Variants in PFKFB2 observed in about 807,000 individuals in gnomAD.
The protein encoded by PFKFB2 is 6-phosphofructo-2-kinase/fructose-2,6-biphosphatase 2.
Under a neutral mutation model 68.0 loss-of-function variants are expected in PFKFB2, and 53 were observed. The observed-to-expected ratio is 0.78, with a 90% CI of 0.63 to 0.98. PFKFB2 has a LOEUF of 0.98. Ranked by LOEUF, PFKFB2 falls within the 50% of genes least tolerant of loss-of-function variation. The probability of loss-of-function intolerance (pLI) is 0.00; values close to 1 mark genes in which losing one functional copy is unlikely to be tolerated. For missense variants in PFKFB2, 451 were observed against 642.0 expected (o/e 0.70, Z 3.22); for synonymous variants, 222 against 227.6 (o/e 0.98, Z 0.22).
chr1:207,037,371 A>C (rs747071850), intron 1 of PFKFB2, among the ~76,000 whole-genome samples: 58 of 152,154 alleles, frequency 3.8e-4, no homozygotes, highest in Non-Finnish European at 6.8e-4. Context: ...TTCTTCCCTT[A>C]CCTGGCTCCT....
downstream of PFKFB2, chr1:207,079,036 G>A (rs752667825): frequency 1.1e-5 from 17 of 1,602,106 alleles, no homozygotes; most frequent in South Asian, 1.8e-4. Flanking sequence ...GGATGTTCAG[G>A]CCTCACCTCT....
Position 207,074,519 on chromosome 1 carries a change from C to T in PFKFB2, c.*2148C>T. 1 of 985,382 alleles carries T rather than the reference C, an allele frequency of 1.0e-6. No individual in the cohort carries two copies. The highest frequency in any genetic ancestry group is 1.2e-6 in the Non-Finnish European group (1 of 829,920). The allele number at this position is 985,382 out of a possible 1,614,324, so 61.0% of individuals were successfully genotyped here. ...AGGTTGTCATCACTGGCAACTGACTCCTGACCCCGGGTCCTTTACTCGTAT... is the reference window on the plus strand; with the variant it reads ...AGGTTGTCATCACTGGCAACTGACTTCTGACCCCGGGTCCTTTACTCGTAT... On this transcript the variant is annotated 3_prime_UTR_variant, in exon 15 of 15. Transcript: ENST00000367080.
intron 1 of PFKFB2, among the ~76,000 whole-genome samples, chr1:207,038,570 T>C (rs1348558218): frequency 1.3e-5 from 2 of 152,228 alleles, no homozygotes; most frequent in Non-Finnish European, 2.9e-5. Context: ...AACTGATTAG[T>C]TCTTATTCAT....
chr1:207,074,772 C>G lies in PFKFB2; in HGVS notation c.*2401C>G, dbSNP rs1388482964. The G allele has an allele frequency of 1.0e-6, 1 of 985,352 alleles. No homozygotes were observed. The highest frequency in any genetic ancestry group is 1.2e-6 in the Non-Finnish European group (1 of 829,890). The allele number at this position is 985,352 out of a possible 1,614,324, so 61.0% of individuals were successfully genotyped here. On this transcript the variant is annotated 3_prime_UTR_variant, in exon 15 of 15. Coordinates refer to ENST00000367080, the MANE Select transcript of PFKFB2 (RefSeq NM_006212.2). ...AGGAAGGTTATTTTAAGAGACAGGA[C>G]ATGTAATTTATAACAAATGGACATT...
chr1:207,051,829 G>T (rs1237589034), upstream of PFKFB2, among the ~76,000 whole-genome samples: 4 of 152,180 alleles, frequency 2.6e-5, no homozygotes, highest in Admixed American at 6.5e-5. Flanking sequence ...TGTATGCCTA[G>T]AACCCAGGAC....
upstream of PFKFB2, chr1:207,050,784 C>T (rs1682724646): frequency 6.2e-7 from 1 of 1,613,262 alleles, no homozygotes; most frequent in African/African-American, 1.3e-5. Context: ...CCGCCGGGGG[C>T]GATCCCGGTG....
rs201702529 is a variant in PFKFB2, at chr1:207,061,165, TTATATATA to T, written c.86-758_86-751del. On this transcript the variant is annotated intron_variant, in intron 2 of 14. Transcript: ENST00000367080. ...TCTTTATATATATTTATATATATCT[TTATATATA>T]TATATATATATATATATATATATAT... Among the ~76,000 whole-genome samples the T allele has an allele frequency of 3.3e-3, 149 of 45,154 alleles. 3 individuals are homozygous for T. Among genetic ancestry groups the T allele is most frequent in the African/African-American group, 0.011 (126 of 11,080 alleles). 29.6% of individuals were successfully genotyped at this position (45,154 alleles called of 152,430 possible).
At chr1:207,049,739 C>G (rs1013584160), upstream of PFKFB2, 13 of 1,594,362 alleles carry the variant, frequency 8.2e-6, no homozygotes, top group Non-Finnish European at 1.0e-5. Flanking sequence ...AAAAATAAAA[C>G]AAATCCCGAT....
chr1:207,055,297 T>C (rs1396416928), intron 2 of PFKFB2, among the ~76,000 whole-genome samples: 1 of 152,210 alleles, frequency 6.6e-6, no homozygotes, highest in African/African-American at 2.4e-5. Context: ...CTTCTCACAG[T>C]GTCTTGGGCA....
At chr1:207,053,498 G>A (rs1051832202) in intron 1 of PFKFB2, 132 bp downstream of exon 1, 1 of 152,772 alleles carries the variant, frequency 6.5e-6, no homozygotes, top group African/African-American at 2.4e-5. Flanking sequence ...TCTGGGACCG[G>A]GAGCCACAGT....
In PFKFB2 at chr1:207,063,791, G is replaced by A. The variant is rs774632326; in HGVS notation, c.469G>A (p.Val157Ile). The A allele has an allele frequency of 4.0e-5, 65 of 1,613,722 alleles. No individual in the cohort carries two copies. The highest frequency in any genetic ancestry group is 1.9e-4 in the South Asian group (17 of 91,074). The change falls in exon 7 of 15, where the codon GTC (valine) becomes ATC (isoleucine). Residue 157 changes from valine (V) to isoleucine (I), a missense_variant. Coordinates refer to ENST00000367080, the MANE Select transcript of PFKFB2 (RefSeq NM_006212.2). The surrounding 1 kb of genome is among the most constrained non-coding windows in gnomAD (Gnocchi z 4.1). ...TGGCCAGGTATTCTTTGTGGAATCC[G>A]TCTGTGATGATCCTGATGTCATTGC... ...NSFKVFFVES[V>I]CDDPDVIAAN...
chr1:207,080,028 A>G (rs944024598), downstream of PFKFB2: 1 of 152,200 alleles, frequency 6.6e-6, no homozygotes, highest in African/African-American at 2.4e-5. Flanking sequence ...GATCTCTCAT[A>G]TAAAAGTGAG....
At chr1:207,069,389 A>C in intron 10 of PFKFB2, 35 bp from the exon 11 acceptor site, 2 of 1,427,136 alleles carry the variant, frequency 1.4e-6, no homozygotes. Flanking sequence ...GGTACAGTCT[A>C]TCTCTTCAAG....
rs1388475370 is a variant in PFKFB2 at position 207,068,227 on chromosome 1, G to A, written c.905G>A (p.Ser302Asn). 6.2e-7 allele frequency: 1 copy of A among 1,613,510 alleles called. No individual in the cohort carries two copies. Among genetic ancestry groups the A allele is most frequent in the Non-Finnish European group, 8.5e-7 (1 of 1,179,786 alleles). The change falls in exon 10 of 15, where the codon AGC becomes AAC. Residue 302 changes from serine to asparagine, a missense_variant. By Grantham distance (46) the Ser-to-Asn change is conservative. Coordinates refer to ENST00000367080, the MANE Select transcript of PFKFB2 (RefSeq NM_006212.2). ...ATAACAGACCTCAAAGTGTGGACAAGCCAGTTGAAGAGGACCATACAGACT... is the reference window on the plus strand; with the variant it reads ...ATAACAGACCTCAAAGTGTGGACAAACCAGTTGAAGAGGACCATACAGACT... ...QEITDLKVWT[S>N]QLKRTIQTAE...
chr1:207,054,813 G>T lies in PFKFB2; in HGVS notation c.85+11G>T, dbSNP rs1682872847. The stretch of plus-strand genomic sequence containing the variant: ...CAGAGAAGAAATGTTGTGAGTTCTG[G>T]CAGAGAGGAGGGACTGCTCTCTCTC... On this transcript the variant is annotated intron_variant, in intron 2 of 14. Transcript: ENST00000367080. The T allele has an allele frequency of 6.3e-7, 1 of 1,590,634 alleles. No individual in the cohort carries two copies. The highest frequency in any genetic ancestry group is 1.3e-5 in the African/African-American group (1 of 74,512).
At chr1:207,065,004 G>A in intron 7 of PFKFB2, 32 bp from the exon 8 acceptor site, 2 of 1,611,210 alleles carry the variant, frequency 1.2e-6, no homozygotes, top group Non-Finnish European at 8.5e-7. Context: ...GCAGACCTCT[G>A]ATGAGGCCTT....
upstream of PFKFB2, chr1:207,053,072 G>A (rs1041574072): frequency 6.6e-6 from 1 of 152,210 alleles, no homozygotes; most frequent in Non-Finnish European, 1.5e-5. Flanking sequence ...CAGGCTCCTC[G>A]GCGCTGGGAA....
intron 1 of PFKFB2, among the ~76,000 whole-genome samples, chr1:207,041,152 C>T (rs1682472969): frequency 6.6e-6 from 1 of 151,758 alleles, no homozygotes; most frequent in South Asian, 2.1e-4. Context: ...TGGTCTCGAT[C>T]TCCTGACCTC....
Position 207,067,637 on chromosome 1 carries a change from T to C in PFKFB2, c.771T>C (p.His257=). Residue 257 remains histidine, a synonymous_variant, in exon 9 of 15, where the codon CAT becomes CAC. Transcript: ENST00000367080. The stretch of plus-strand genomic sequence containing the variant: ...CTCGCACCATTTACCTTTGCCGGCA[T>C]GGAGAAAGCGAGTTCAATCTCTTGG... ...VQPRTIYLCR[H]GESEFNLLGK... The C allele has an allele frequency of 6.2e-7, 1 of 1,613,968 alleles. No individual in the cohort carries two copies. The highest frequency in any genetic ancestry group is 8.5e-7 in the Non-Finnish European group (1 of 1,179,988).
Sources: gnomAD v4.1 joint callset for allele counts (sites outside exome capture counted in the v4.1 genomes callset) on GRCh38, gnomAD v4.1.1 for gene constraint, Gnocchi (gnomAD v3.1) non-coding constraint, MANE v1.5 for transcripts, NCBI Gene and HGNC (gene_info 2026-07-23, HGNC 2026-07-21) for gene names.